RBFOX3: variants seen among roughly 807,000 people sequenced by gnomAD.
RBFOX3 encodes the protein RNA binding fox-1 homolog 3, also known as RNA binding protein fox-1 homolog 3.
RBFOX3 carries 17 observed loss-of-function variants against 48.7 expected under a neutral mutation model. That is an observed-to-expected ratio of 0.35 (90% CI 0.24 to 0.52). The LOEUF is 0.52. Among genes scored for constraint, RBFOX3 ranks in the 20% least tolerant of loss-of-function variants. The pLI is 0.94. For missense variants in RBFOX3, 382 were observed against 497.5 expected (o/e 0.77, Z 2.21); for synonymous variants, 212 against 209.5 (o/e 1.01, Z -0.10).
At chr17:79,401,744 A>G (rs1161847552) in intron 2 of RBFOX3, among the ~76,000 whole-genome samples, 1 of 152,152 alleles carries the variant, frequency 6.6e-6, no homozygotes, top group Non-Finnish European at 1.5e-5. Context: ...GCCCCAGGGC[A>G]CCTGGCCCAG....
the RBFOX3 span, among the ~76,000 whole-genome samples, chr17:79,650,854 G>A: frequency 6.6e-6 from 1 of 152,258 alleles, no homozygotes; most frequent in Non-Finnish European, 1.5e-5. Context: ...GCTCCAGGGT[G>A]GCACCAGCAT....
At chr17:79,428,886 T>C (rs553312495) in intron 2 of RBFOX3, among the ~76,000 whole-genome samples, 33 of 152,348 alleles carry the variant, frequency 2.2e-4, no homozygotes, top group African/African-American at 7.9e-4. Context: ...TAAAGTCATA[T>C]AGTATTTGCA....
At chr17:79,459,548 C>T (rs755997499) in intron 2 of RBFOX3, among the ~76,000 whole-genome samples, 1 of 152,116 alleles carries the variant, frequency 6.6e-6, no homozygotes, top group Non-Finnish European at 1.5e-5. Context: ...GGACACCAGG[C>T]GAGGGACCAG....
chr17:79,276,423 C>G (rs934503919), intron 3 of RBFOX3, among the ~76,000 whole-genome samples: 1 of 152,224 alleles, frequency 6.6e-6, no homozygotes, highest in Non-Finnish European at 1.5e-5. Flanking sequence ...CGGTGGTTCA[C>G]GCCTATAATC....
the RBFOX3 span, among the ~76,000 whole-genome samples, chr17:79,652,594 G>GAGGAGAGGAGAGGAGAGGAA: frequency 3.3e-4 from 8 of 23,912 alleles, no homozygotes; most frequent in East Asian, 2.4e-3. Flanking sequence ...GAGGAGAGGA[G>GAGGAGAGGAGAGGAGAGGAA]AGGAGAGGAA....
chr17:79,295,307 G>C (rs978976105), intron 3 of RBFOX3, among the ~76,000 whole-genome samples: 1 of 152,222 alleles, frequency 6.6e-6, no homozygotes, highest in Admixed American at 6.5e-5. Flanking sequence ...CTGGCAATTG[G>C]AGCATGTTAA....
intron 4 of RBFOX3, among the ~76,000 whole-genome samples, chr17:79,196,934 A>T (rs939922327): frequency 2.0e-5 from 3 of 152,142 alleles, no homozygotes; most frequent in Non-Finnish European, 4.4e-5. Context: ...ACTGGGGCCC[A>T]CCAAGTGGAA....
chr17:79,378,049 T>G (rs1275809574), intron 2 of RBFOX3, among the ~76,000 whole-genome samples: 1 of 152,236 alleles, frequency 6.6e-6, no homozygotes, highest in African/African-American at 2.4e-5. Context: ...TATTTCTTTA[T>G]GGAGGAAGCG....
At chr17:79,104,380 G>A (rs2076985775) in intron 6 of RBFOX3, among the ~76,000 whole-genome samples, 1 of 152,144 alleles carries the variant, frequency 6.6e-6, no homozygotes, top group South Asian at 2.1e-4. Context: ...GTGGTGTGGG[G>A]ACAGGGACAG....
At chr17:79,125,016 G>A (rs570798030) in intron 4 of RBFOX3, among the ~76,000 whole-genome samples, 4 of 152,306 alleles carry the variant, frequency 2.6e-5, no homozygotes, top group South Asian at 2.1e-4. Flanking sequence ...TGGCTCTGTC[G>A]TCGCCAGTTC....
chr17:79,598,685 G>A (rs1274883875), intron 1 of RBFOX3: 1 of 152,122 alleles, frequency 6.6e-6, no homozygotes, highest in Non-Finnish European at 1.5e-5. Context: ...CAGAGACGCA[G>A]GGACCGTGCA....
intron 3 of RBFOX3, among the ~76,000 whole-genome samples, chr17:79,246,667 C>G (rs2063212456): frequency 6.6e-6 from 1 of 152,232 alleles, no homozygotes; most frequent in Non-Finnish European, 1.5e-5. Flanking sequence ...CGGGATGTCT[C>G]TCCTATGCTG....
At chr17:79,122,125 A>T (rs1182499973) in intron 4 of RBFOX3, among the ~76,000 whole-genome samples, 1 of 151,910 alleles carries the variant, frequency 6.6e-6, no homozygotes, top group African/African-American at 2.4e-5. Context: ...CACACACCAC[A>T]AACAGTCCAG....
At chr17:79,153,683 G>A (rs1007634616) in intron 4 of RBFOX3, among the ~76,000 whole-genome samples, 3 of 152,182 alleles carry the variant, frequency 2.0e-5, no homozygotes, top group Non-Finnish European at 4.4e-5. Flanking sequence ...TATACACACA[G>A]GAAAAGAAAC....
At chr17:79,664,812 C>T in the RBFOX3 span, among the ~76,000 whole-genome samples, 1 of 152,220 alleles carries the variant, frequency 6.6e-6, no homozygotes, top group Admixed American at 6.5e-5. Context: ...GACCACTGTT[C>T]TCCTCTGTCC....
chr17:79,332,438 C>A (rs1455145248), intron 2 of RBFOX3, among the ~76,000 whole-genome samples: 1 of 151,990 alleles, frequency 6.6e-6, no homozygotes, highest in Non-Finnish European at 1.5e-5. Context: ...GGAGAGGAGG[C>A]AGGCTCTGGG....
At chr17:79,506,262 G>T (rs1555778696) in intron 1 of RBFOX3, among the ~76,000 whole-genome samples, 2 of 152,228 alleles carry the variant, frequency 1.3e-5, no homozygotes, top group East Asian at 3.9e-4. Flanking sequence ...GGGTCCAGAA[G>T]GGGTGGGGAG....
rs58282867 is a variant in RBFOX3, at chr17:79,420,128, TACACACACACACACACACACAC to T, written c.-175+62304_-175+62325del. 8.8e-4 allele frequency among the ~76,000 whole-genome samples: 101 copies of T among 114,368 alleles called. 1 individual carries two copies. Among genetic ancestry groups the T allele is most frequent in the African/African-American group, 3.2e-3 (91 of 28,356 alleles). 75.0% of individuals were successfully genotyped at this position (114,368 alleles called of 152,430 possible). On this transcript the variant is annotated intron_variant, in intron 2 of 14. Coordinates refer to ENST00000693108, the MANE Select transcript of RBFOX3 (RefSeq NM_001350451.2). Reference sequence around the variant, plus strand: ...GGCAACAGAGCAAGACTCCGTCTCATACACACACACACACACACACACACACACACACACACACACACACACA... The same window carrying T: ...GGCAACAGAGCAAGACTCCGTCTCATACACACACACACACACACACACACA...
At chr17:79,599,031 G>A in intron 1 of RBFOX3, 1 of 152,130 alleles carries the variant, frequency 6.6e-6, no homozygotes. Flanking sequence ...AGTGCTCCAT[G>A]CCTCCCCCTC....
Sources: gnomAD v4.1 joint callset for allele counts (sites outside exome capture counted in the v4.1 genomes callset) on GRCh38, gnomAD v4.1.1 for gene constraint, MANE v1.5 for transcripts, NCBI Gene and HGNC (gene_info 2026-07-23, HGNC 2026-07-21) for gene names.